Variants in RBFOX1 observed in about 807,000 individuals in gnomAD.
RBFOX1 encodes RNA binding protein fox-1 homolog 1.
Under a neutral mutation model 57.7 loss-of-function variants are expected in RBFOX1, and 8 were observed. That is an observed-to-expected ratio of 0.14 (90% CI 0.08 to 0.25). The LOEUF is 0.25. Among genes scored for constraint, RBFOX1 ranks in the 10% least tolerant of loss-of-function variants. The probability of loss-of-function intolerance (pLI) is 1.00; values close to 1 mark genes in which losing one functional copy is unlikely to be tolerated. For synonymous variants in RBFOX1, 326 were observed against 222.4 expected (o/e 1.47, Z -4.15); for missense variants, 611 against 548.5 (o/e 1.11, Z -1.14).
rs146483809 is a variant in RBFOX1 at position 5,609,087 on chromosome 16, T to C, written c.318+10126T>C. Among the ~76,000 whole-genome samples the C allele has an allele frequency of 2.0e-3, 307 of 152,098 alleles. 1 individual carries two copies. Among genetic ancestry groups the C allele is most frequent in the African/African-American group, 7.0e-3 (289 of 41,474 alleles). ...GAGCAAATACATCTCTGTAAGGGAG[T>C]TCAATATTCTCAGTAATGATTTTGC... On this transcript the variant is annotated intron_variant, in intron 3 of 19. Transcript: ENST00000641259.
chr16:6,783,138 A>C (rs536875685), intron 3 of RBFOX1, among the ~76,000 whole-genome samples: 2 of 151,988 alleles, frequency 1.3e-5, no homozygotes, highest in East Asian at 3.9e-4. Context: ...GGTAAAAATG[A>C]GTTCCTTATA....
chr16:7,307,279 A>T (rs778572151), intron 4 of RBFOX1, among the ~76,000 whole-genome samples: 3 of 152,206 alleles, frequency 2.0e-5, no homozygotes, highest in Non-Finnish European at 4.4e-5. Context: ...AACTAAGGAA[A>T]ATGACTTCAT....
intron 2 of RBFOX1, among the ~76,000 whole-genome samples, chr16:6,493,446 G>T (rs1432727478): frequency 6.6e-6 from 1 of 152,124 alleles, no homozygotes; most frequent in Admixed American, 6.5e-5. Flanking sequence ...AGCTGTGTGT[G>T]TTTGTCAGGG....
intron 3 of RBFOX1, among the ~76,000 whole-genome samples, chr16:7,014,822 T>G (rs2093826550): frequency 6.6e-6 from 1 of 152,124 alleles, no homozygotes; most frequent in African/African-American, 2.4e-5. Flanking sequence ...TCTCCAGGAT[T>G]CAAGCACTTC....
chr16:7,667,897 C>G (rs2069931256), intron 13 of RBFOX1, among the ~76,000 whole-genome samples: 1 of 152,118 alleles, frequency 6.6e-6, no homozygotes, highest in Admixed American at 6.5e-5. Context: ...TGGTCTGGAA[C>G]TCCTGACCTC....
At chr16:7,436,989 G>A (rs1183141105) in intron 4 of RBFOX1, among the ~76,000 whole-genome samples, 2 of 152,172 alleles carry the variant, frequency 1.3e-5, no homozygotes, top group African/African-American at 4.8e-5. Context: ...GCTGAGGTAG[G>A]AGAATCTCTT....
intron 3 of RBFOX1, among the ~76,000 whole-genome samples, chr16:6,917,909 C>T (rs1461824765): frequency 1.3e-5 from 2 of 152,106 alleles, no homozygotes; most frequent in Non-Finnish European, 2.9e-5. Flanking sequence ...CAATGGAGAC[C>T]TGGGTATTAT....
intron 2 of RBFOX1, among the ~76,000 whole-genome samples, chr16:5,588,343 C>G (rs2046899920): frequency 6.6e-6 from 1 of 152,064 alleles, no homozygotes; most frequent in South Asian, 2.1e-4. Context: ...GGAAGAATTA[C>G]TAGGTGAATT....
At chr16:5,681,140 C>T (rs538643515) in intron 3 of RBFOX1, among the ~76,000 whole-genome samples, 4 of 152,006 alleles carry the variant, frequency 2.6e-5, no homozygotes, top group Admixed American at 2.6e-4. Flanking sequence ...GTGGTGCGAT[C>T]TCGGCTCACT....
At chr16:6,641,164 C>T (rs1476424770) in intron 2 of RBFOX1, among the ~76,000 whole-genome samples, 1 of 152,032 alleles carries the variant, frequency 6.6e-6, no homozygotes, top group Non-Finnish European at 1.5e-5. Flanking sequence ...AAATAATTAC[C>T]CCGTAATCTT....
chr16:7,140,352 T>C (rs2073433606), intron 4 of RBFOX1, among the ~76,000 whole-genome samples: 2 of 146,510 alleles, frequency 1.4e-5, no homozygotes, highest in South Asian at 4.6e-4. Flanking sequence ...TTTTCCCCAC[T>C]CTGAGTCTGT....
chr16:7,351,080 CT>C (rs1323908704), intron 4 of RBFOX1, among the ~76,000 whole-genome samples: 8 of 152,156 alleles, frequency 5.3e-5, no homozygotes, highest in Non-Finnish European at 1.0e-4. Flanking sequence ...GCTGGTTTTC[CT>C]TTTATTTTAG....
intron 9 of RBFOX1, among the ~76,000 whole-genome samples, chr16:7,604,086 G>C (rs1273961791): frequency 6.6e-6 from 1 of 152,132 alleles, no homozygotes; most frequent in East Asian, 1.9e-4. Context: ...ATCACACATG[G>C]GGTATGAGGG....
intron 3 of RBFOX1, among the ~76,000 whole-genome samples, chr16:6,674,211 A>T (rs901507289): frequency 6.6e-6 from 1 of 152,188 alleles, no homozygotes; most frequent in Non-Finnish European, 1.5e-5. Flanking sequence ...ATACCTGTGA[A>T]TGTAAATTTA....
At position 5,975,336 on chromosome 16, in the gene RBFOX1, A is replaced by G. The variant is rs188265299; in HGVS notation, c.351+108001A>G. ...CACCCAAGCTCTGCAGCCTTCGTCC[A>G]TATCATTAGAGCAATAGCTGCTTCT... is the stretch of plus-strand genomic sequence containing the variant. On this transcript the variant is annotated intron_variant, in intron 4 of 19. Transcript: ENST00000641259. 2.7e-4 allele frequency among the ~76,000 whole-genome samples: 41 copies of G among 152,292 alleles called. 1 individual carries two copies. The East Asian group carries it at 7.7e-3, about 29-fold the overall frequency.
At chr16:6,118,354 AG>A (rs535749138) in intron 1 of RBFOX1, among the ~76,000 whole-genome samples, 1 of 152,340 alleles carries the variant, frequency 6.6e-6, no homozygotes, top group Admixed American at 6.5e-5. Flanking sequence ...TTTTTTAAAA[AG>A]AAATTTATTT....
intron 2 of RBFOX1, among the ~76,000 whole-genome samples, chr16:6,523,879 G>A (rs1389464513): frequency 6.6e-6 from 1 of 152,056 alleles, no homozygotes; most frequent in Admixed American, 6.6e-5. Context: ...ATTTTTATGA[G>A]TACATAATAG....
chr16:7,125,841 G>C (rs1282289551), intron 4 of RBFOX1, among the ~76,000 whole-genome samples: 3 of 152,170 alleles, frequency 2.0e-5, no homozygotes, highest in Non-Finnish European at 4.4e-5. Context: ...CCAGCACTTT[G>C]GGAGGCTGCG....
chr16:7,230,182 T>C (rs1042112896), intron 4 of RBFOX1, among the ~76,000 whole-genome samples: 1 of 151,268 alleles, frequency 6.6e-6, no homozygotes. Context: ...TTTCACTTTT[T>C]TTTTTAATTG....
Sources: allele counts gnomAD v4.1 joint callset (sites outside exome capture counted in the v4.1 genomes callset), GRCh38; gene constraint gnomAD v4.1.1; transcripts MANE v1.5; gene names NCBI Gene and HGNC (gene_info 2026-07-23, HGNC 2026-07-21).